The following TBC1D5 variants were observed in gnomAD, a reference collection of about 807,000 sequenced individuals.
TBC1D5 encodes TBC1 domain family, member 5.
TBC1D5 carries 75 observed loss-of-function variants against 100.3 expected under a neutral mutation model. That is an observed-to-expected ratio of 0.75 (90% CI 0.62 to 0.91). TBC1D5 has a LOEUF of 0.91. TBC1D5 is among the 40% of genes least tolerant of loss of function. TBC1D5 has a pLI of 0.00. For synonymous variants in TBC1D5, 323 were observed against 325.6 expected (o/e 0.99, Z 0.09); for missense variants, 910 against 942.4 (o/e 0.97, Z 0.45).
At chr3:17,243,117 G>GT (rs1340438273) in intron 16 of TBC1D5, among the ~76,000 whole-genome samples, 1 of 152,154 alleles carries the variant, frequency 6.6e-6, no homozygotes, top group African/African-American at 2.4e-5. Context: ...TCACAGACTT[G>GT]TTACCAATCC....
rs546956560 is a variant in TBC1D5 at position 17,479,131 on chromosome 3, C to A, written c.97+29343G>T. Among the ~76,000 whole-genome samples the A allele has an allele frequency of 6.6e-5, 10 of 152,262 alleles. No individual in the cohort carries two copies. In the South Asian group the frequency reaches 2.1e-3, roughly 32 times the overall value. On this transcript the variant is annotated intron_variant, in intron 3 of 21. Coordinates refer to ENST00000253692, the Ensembl canonical transcript of TBC1D5. ...GAAAACATGCAAAGGCTGGACGTGG[C>A]GGCTCACATCCATAATCCTAGCTTT...
intron 13 of TBC1D5, among the ~76,000 whole-genome samples, chr3:17,335,830 T>C (rs1462172447): frequency 6.6e-6 from 1 of 152,154 alleles, no homozygotes; most frequent in Non-Finnish European, 1.5e-5. Flanking sequence ...AAGTATATAT[T>C]CATAATTACT....
At chr3:17,588,256 A>G (rs1401439722) in intron 2 of TBC1D5, among the ~76,000 whole-genome samples, 1 of 141,552 alleles carries the variant, frequency 7.1e-6, no homozygotes, top group Non-Finnish European at 1.5e-5. Flanking sequence ...AGAAAGGAGA[A>G]AAAAAAAAAA....
intron 3 of TBC1D5, among the ~76,000 whole-genome samples, chr3:17,500,275 A>G (rs1054781636): frequency 6.7e-6 from 1 of 149,562 alleles, no homozygotes; most frequent in Admixed American, 6.6e-5. Context: ...TGAAAAAAAC[A>G]TCAGAAGTAA....
chr3:17,733,506 T>C (rs886855734), intron 1 of TBC1D5, among the ~76,000 whole-genome samples: 2 of 152,110 alleles, frequency 1.3e-5, no homozygotes, highest in South Asian at 2.1e-4. Context: ...GGGGTGGAGC[T>C]AGACAGCAAT....
chr3:17,615,709 A>G (rs1183252076), intron 2 of TBC1D5, among the ~76,000 whole-genome samples: 3 of 152,122 alleles, frequency 2.0e-5, no homozygotes, highest in East Asian at 1.9e-4. Context: ...GGTAGTTTGT[A>G]TTTCTGTGGG....
intron 8 of TBC1D5, among the ~76,000 whole-genome samples, chr3:17,401,381 ATAT>A (rs2093647469): frequency 2.4e-5 from 1 of 41,598 alleles, no homozygotes; most frequent in Non-Finnish European, 5.0e-5. Flanking sequence ...ATACATATGT[ATAT>A]GTATATGTAT....
intron 13 of TBC1D5, among the ~76,000 whole-genome samples, chr3:17,321,290 C>T (rs140852155): frequency 0.01 from 1,576 of 152,302 alleles, 28 homozygotes; most frequent in African/African-American, 0.035. Flanking sequence ...TCTCAAACTC[C>T]TGGCCTCAAG....
chr3:17,599,754 C>T (rs2060808573), intron 2 of TBC1D5, among the ~76,000 whole-genome samples: 1 of 152,194 alleles, frequency 6.6e-6, no homozygotes, highest in African/African-American at 2.4e-5. Flanking sequence ...CACCTGCATG[C>T]TCCCCCTCCT....
chr3:17,549,113 C>T (rs2096448389), intron 2 of TBC1D5, among the ~76,000 whole-genome samples: 1 of 151,946 alleles, frequency 6.6e-6, no homozygotes, highest in African/African-American at 2.4e-5. Flanking sequence ...GCCTGACCAA[C>T]ATGGTGAAGA....
At chr3:17,480,959 A>G (rs952882370) in intron 3 of TBC1D5, among the ~76,000 whole-genome samples, 8 of 152,154 alleles carry the variant, frequency 5.3e-5, no homozygotes, top group Admixed American at 4.6e-4. Context: ...GGCTTGAAAC[A>G]TGCTCCCCCA....
At chr3:17,636,117 C>T (rs943900744) in intron 1 of TBC1D5, among the ~76,000 whole-genome samples, 6 of 151,830 alleles carry the variant, frequency 4.0e-5, no homozygotes, top group Admixed American at 6.6e-5. Flanking sequence ...CGCTGGGACC[C>T]GGGAGGCAGA....
At chr3:17,575,284 C>G (rs2096650821) in intron 2 of TBC1D5, 1 of 150,016 alleles carries the variant, frequency 6.7e-6, no homozygotes. Flanking sequence ...CCATGCACTC[C>G]AGTCTTGGCG....
chr3:17,725,493 C>G (rs770860633), intron 1 of TBC1D5, among the ~76,000 whole-genome samples: 1 of 151,906 alleles, frequency 6.6e-6, no homozygotes, highest in African/African-American at 2.4e-5. Context: ...ACAGGCATGG[C>G]TCTTTGGAGT....
At chr3:17,494,972 G>A (rs1339869129) in intron 3 of TBC1D5, among the ~76,000 whole-genome samples, 1 of 152,340 alleles carries the variant, frequency 6.6e-6, no homozygotes, top group East Asian at 1.9e-4. Context: ...TTCCCAGGCA[G>A]GGTAGTACAA....
chr3:17,650,336 A>C (rs978538393), intron 1 of TBC1D5, among the ~76,000 whole-genome samples: 2 of 152,186 alleles, frequency 1.3e-5, no homozygotes, highest in Non-Finnish European at 2.9e-5. Context: ...AAGAGAAAAA[A>C]GATGAAAAAG....
At chr3:17,553,306 T>C (rs941078595) in intron 2 of TBC1D5, among the ~76,000 whole-genome samples, 4 of 152,294 alleles carry the variant, frequency 2.6e-5, no homozygotes, top group Middle Eastern at 3.4e-3. Flanking sequence ...TGAGATTCTA[T>C]TTTTTACTTG....
chr3:17,712,535 C>T (rs976969219), intron 1 of TBC1D5, among the ~76,000 whole-genome samples: 3 of 152,200 alleles, frequency 2.0e-5, no homozygotes, highest in Non-Finnish European at 2.9e-5. Flanking sequence ...ACTTGCATCT[C>T]TGCCATCCAT....
intron 3 of TBC1D5, among the ~76,000 whole-genome samples, chr3:17,433,417 C>T (rs2149429797): frequency 6.6e-6 from 1 of 152,296 alleles, no homozygotes; most frequent in East Asian, 1.9e-4. Context: ...GGGAAACAAA[C>T]ATGCCCTACC....
Sources: allele counts gnomAD v4.1 joint callset (sites outside exome capture counted in the v4.1 genomes callset), GRCh38; gene constraint gnomAD v4.1.1; transcripts MANE v1.5; gene names NCBI Gene and HGNC (gene_info 2026-07-23, HGNC 2026-07-21).